SFMBT1: variants seen among roughly 807,000 people sequenced by gnomAD.
SFMBT1 encodes scm-like with four MBT domains protein 1.
Under a neutral mutation model 108.7 loss-of-function variants are expected in SFMBT1, and 32 were observed. The observed-to-expected ratio is 0.29, with a 90% CI of 0.22 to 0.40. The LOEUF (loss-of-function observed/expected upper bound fraction) is 0.40. SFMBT1 is among the 10% of genes least tolerant of loss of function. The pLI is 1.00. For missense variants in SFMBT1, 816 were observed against 1,059.6 expected, an observed-to-expected ratio of 0.77 and a Z score of 3.19; for synonymous variants, 348 against 369.5, an observed-to-expected ratio of 0.94 and a Z score of 0.67.
intron 1 of SFMBT1, among the ~76,000 whole-genome samples, chr3:53,041,331 T>C (rs1700045316): frequency 6.6e-6 from 1 of 152,182 alleles, no homozygotes; most frequent in African/African-American, 2.4e-5. Context: ...TGTGTCAGTG[T>C]TCTTATCCTT....
At chr3:52,970,249 A>C (rs966906427) in intron 1 of SFMBT1, among the ~76,000 whole-genome samples, 17 of 152,206 alleles carry the variant, frequency 1.1e-4, no homozygotes, top group African/African-American at 4.1e-4. Flanking sequence ...TTATCCTGAA[A>C]AGAAGCCAAA....
intron 1 of SFMBT1, among the ~76,000 whole-genome samples, chr3:52,996,505 A>C (rs1698337151): frequency 6.7e-6 from 1 of 149,768 alleles, no homozygotes; most frequent in Non-Finnish European, 1.5e-5. Flanking sequence ...GAGGCACCAC[A>C]CCCGGACAAT....
intron 1 of SFMBT1, among the ~76,000 whole-genome samples, chr3:52,991,263 A>G (rs1705113316): frequency 6.6e-6 from 1 of 150,486 alleles, no homozygotes; most frequent in Admixed American, 6.6e-5. Context: ...ATTACCCTAC[A>G]GTGCTTTTCT....
chr3:52,966,624 C>CAAAAAAAA (rs35044878), intron 2 of SFMBT1, among the ~76,000 whole-genome samples: 15 of 48,308 alleles, frequency 3.1e-4, no homozygotes, highest in Admixed American at 5.5e-4. Flanking sequence ...GACTCAGTCT[C>CAAAAAAAA]AAAAAAAAAA....
chr3:52,929,646 G>C (rs1229445491), intron 8 of SFMBT1, among the ~76,000 whole-genome samples: 2 of 152,140 alleles, frequency 1.3e-5, no homozygotes, highest in African/African-American at 4.8e-5. Context: ...TCCTTGCTTT[G>C]AGAATAATCT....
chr3:52,969,236 A>G lies in SFMBT1; in HGVS notation c.-108T>C. On this transcript the variant is annotated 5_prime_UTR_variant, in exon 2 of 21. Transcript: ENST00000394752. ...GGTTTCAAGCATCTGTTCAATGGGT[A>G]TCCACGGGTCCAAATGAAAGTGCTG... 6.4e-7 allele frequency: 1 copy of G among 1,557,250 alleles called. No homozygotes were observed. The highest frequency in any genetic ancestry group is 8.6e-7 in the Non-Finnish European group (1 of 1,157,238).
Position 52,905,210 on chromosome 3 carries a change from A to C in SFMBT1, c.2527T>G (p.Leu843Val). Residue 843 changes from leucine (L) to valine (V), a missense_variant, in exon 21 of 21, where the codon TTG (leucine) becomes GTG (valine). By Grantham distance (32) the Leu-to-Val change is conservative. Transcript: ENST00000394752. Reference sequence around the variant, plus strand: ...TGGCAAAGTTTGATGGCAGGGCCCAATTTTAAGTCCATGCATTCTTGAACA... The same window carrying C: ...TGGCAAAGTTTGATGGCAGGGCCCACTTTTAAGTCCATGCATTCTTGAACA... ...PTVQECMDLK[L>V]GPAIKLCHHI... 1.2e-6 allele frequency: 2 copies of C among 1,614,106 alleles called. No homozygotes were observed. Among genetic ancestry groups the C allele is most frequent in the Non-Finnish European group, 1.7e-6 (2 of 1,179,986 alleles).
At chr3:52,952,982 C>T (rs1703646891) in intron 3 of SFMBT1, among the ~76,000 whole-genome samples, 2 of 152,280 alleles carry the variant, frequency 1.3e-5, no homozygotes, top group Non-Finnish European at 2.9e-5. Flanking sequence ...AGGGCCCTCA[C>T]CAGAAAGCAG....
intron 17 of SFMBT1, among the ~76,000 whole-genome samples, chr3:52,909,993 T>C (rs559134608): frequency 1.3e-5 from 2 of 152,264 alleles, no homozygotes; most frequent in South Asian, 4.1e-4. Flanking sequence ...GTGCCCTTGA[T>C]GCCCCCTCCC....
chr3:52,951,665 T>A (rs1703599357), intron 3 of SFMBT1, among the ~76,000 whole-genome samples: 2 of 152,174 alleles, frequency 1.3e-5, no homozygotes, highest in South Asian at 4.1e-4. Flanking sequence ...CTGGGCCGAA[T>A]TAAATGAATA....
At chr3:53,013,787 C>G (rs1368775644) in intron 1 of SFMBT1, among the ~76,000 whole-genome samples, 1 of 151,586 alleles carries the variant, frequency 6.6e-6, no homozygotes. Context: ...CACCACCACA[C>G]CCAGCTAATT....
In SFMBT1 at chr3:52,906,182, A is replaced by C; in HGVS notation, c.2391T>G (p.Ser797Arg). 1 of 1,614,088 alleles carries C rather than the reference A, an allele frequency of 6.2e-7. No individual in the cohort carries two copies. ...LHLDSNPLKW[S>R]VADVVRFIRS... ...TGATGAACCGCACAACGTCTGCCAC[A>C]CTCCACTTCAAGGGGTTACTGTCCA... is the stretch of plus-strand genomic sequence containing the variant. Residue 797 changes from serine to arginine, a missense_variant, in exon 20 of 21, where the codon AGT (serine) becomes AGG (arginine). Ser to Arg is a moderately radical substitution (Grantham distance 110, BLOSUM62 -1). This residue lies in a region of SFMBT1 where 49 missense variants were observed against 91.8 expected (regional missense o/e 0.53). Transcript: ENST00000394752.
At chr3:52,969,482 G>C (rs1704267795) in intron 1 of SFMBT1, among the ~76,000 whole-genome samples, 1 of 152,046 alleles carries the variant, frequency 6.6e-6, no homozygotes, top group African/African-American at 2.4e-5. Context: ...GCACACTATC[G>C]AGATCTTGAT....
intron 1 of SFMBT1, among the ~76,000 whole-genome samples, chr3:52,986,936 T>A (rs1220904326): frequency 6.6e-6 from 1 of 152,148 alleles, no homozygotes; most frequent in Non-Finnish European, 1.5e-5. Context: ...TGAGACTCCA[T>A]CTCAAAATAT....
At chr3:53,035,986 A>G (rs977755163) in intron 1 of SFMBT1, among the ~76,000 whole-genome samples, 3 of 152,236 alleles carry the variant, frequency 2.0e-5, no homozygotes, top group Non-Finnish European at 4.4e-5. Flanking sequence ...TTCACTTTCC[A>G]AGGTGTCTTT....
chr3:52,943,729 A>G (rs747312250), intron 3 of SFMBT1, 136 bp from the exon 4 acceptor site: 4 of 1,145,834 alleles, frequency 3.5e-6, no homozygotes, highest in Non-Finnish European at 5.1e-6. Context: ...AGAAATTCCA[A>G]TTCTAACTTA....
chr3:52,909,700 T>C (rs1702172396), intron 17 of SFMBT1, among the ~76,000 whole-genome samples: 1 of 152,206 alleles, frequency 6.6e-6, no homozygotes, highest in Non-Finnish European at 1.5e-5. Flanking sequence ...TCCTCCTCTG[T>C]AGTGATTCTC....
At chr3:52,984,050 G>A (rs932456990) in intron 1 of SFMBT1, among the ~76,000 whole-genome samples, 1 of 152,208 alleles carries the variant, frequency 6.6e-6, no homozygotes, top group Non-Finnish European at 1.5e-5. Context: ...GGAGGAAGAT[G>A]TAAGATGGAT....
rs199721039 is a variant in SFMBT1 at position 52,934,786 on chromosome 3, G to A, written c.453+27C>T. The A allele has an allele frequency of 6.2e-5, 97 of 1,568,652 alleles. No individual in the cohort carries two copies. In the Middle Eastern group the frequency reaches 6.7e-4, roughly 11 times the overall value. ...TTGAAAGATCAGATGGGTTTTCCAT[G>A]CTGATGTGGCATGTAGTAATACTCA... On this transcript the variant is annotated intron_variant, in intron 5 of 20. Coordinates refer to ENST00000394752, the MANE Select transcript of SFMBT1 (RefSeq NM_016329.4).
Sources: allele counts gnomAD v4.1 joint callset (sites outside exome capture counted in the v4.1 genomes callset), GRCh38; gene constraint gnomAD v4.1.1; regional missense constraint gnomAD v4.1.1; transcripts MANE v1.5; gene names NCBI Gene and HGNC (gene_info 2026-07-23, HGNC 2026-07-21).